CDC5L: variants seen among roughly 807,000 people sequenced by gnomAD.
CDC5L encodes cell division cycle 5 like.
A neutral mutation model predicts 104.1 loss-of-function variants in CDC5L; 18 were observed. The observed-to-expected ratio is 0.17, with a 90% CI of 0.12 to 0.26. The LOEUF (loss-of-function observed/expected upper bound fraction) is 0.26, where lower values mean the gene tolerates loss of function less well. CDC5L is among the 10% of genes least tolerant of loss of function. The pLI is 1.00. For missense variants in CDC5L, 673 were observed against 956.9 expected (o/e 0.70, Z 3.91); for synonymous variants, 331 against 322.7 (o/e 1.03, Z -0.28).
At chr6:44,446,014 A>G (rs977708318) in intron 15 of CDC5L, 147 bp downstream of exon 15, 4 of 657,746 alleles carry the variant, frequency 6.1e-6, no homozygotes, top group African/African-American at 1.8e-5. Flanking sequence ...TTGACTTTCT[A>G]ATCTAGAATT....
chr6:44,398,059 A>G (rs903953191), intron 5 of CDC5L, among the ~76,000 whole-genome samples: 4 of 152,176 alleles, frequency 2.6e-5, no homozygotes, highest in African/African-American at 9.7e-5. Context: ...GTTGTAATTA[A>G]TGGCTTTGAA....
At chr6:44,426,217 A>G in intron 12 of CDC5L, 34 bp downstream of exon 12, 1 of 1,472,590 alleles carries the variant, frequency 6.8e-7, no homozygotes, top group Non-Finnish European at 9.4e-7. Flanking sequence ...AGGAAGTTTT[A>G]AGTTTCTTTT....
chr6:44,410,834 C>G (rs560308524), intron 8 of CDC5L, among the ~76,000 whole-genome samples: 1 of 151,970 alleles, frequency 6.6e-6, no homozygotes, highest in Admixed American at 6.6e-5. Context: ...GTTTTTCTCC[C>G]TTTCATTGAT....
chr6:44,429,015 CTTTT>C (rs922435895), intron 13 of CDC5L, among the ~76,000 whole-genome samples: 34 of 95,602 alleles, frequency 3.6e-4, no homozygotes, highest in Non-Finnish European at 4.8e-4. Context: ...GTTTCATTAG[CTTTT>C]TTTTTTTTTT....
At chr6:44,421,567 C>G (rs1006707211) in intron 9 of CDC5L, among the ~76,000 whole-genome samples, 2 of 152,184 alleles carry the variant, frequency 1.3e-5, no homozygotes, top group African/African-American at 2.4e-5. Flanking sequence ...TCCCTCATTT[C>G]CTATGTTTAG....
chr6:44,420,792 C>T (rs1792134865), intron 9 of CDC5L, among the ~76,000 whole-genome samples: 1 of 152,134 alleles, frequency 6.6e-6, no homozygotes, highest in South Asian at 2.1e-4. Context: ...TGAAAAAATC[C>T]CATATCTAAA....
chr6:44,445,863 T>G lies in CDC5L; in HGVS notation c.2300T>G (p.Leu767Arg). The change falls in exon 15 of 16, where the codon CTA becomes CGA. Residue 767 changes from leucine to arginine, a missense_variant. By Grantham distance (102) the Leu-to-Arg change is moderately radical (BLOSUM62 -2). This residue lies in a region of CDC5L where 578 missense variants were observed against 737.0 expected (regional missense o/e 0.78). Transcript: ENST00000371477. ...GAAGATTCTGCTATTCCCCGGAGGC[T>G]AGAGGTAACGTTATATATTGAACTG... Reference protein sequence around the residue: ...KHEDSAIPRRLECLKEDVQRQ... With the variant: ...KHEDSAIPRRRECLKEDVQRQ... 1 of 1,610,942 alleles carries G rather than the reference T, an allele frequency of 6.2e-7. No homozygotes were observed. The highest frequency in any genetic ancestry group is 8.5e-7 in the Non-Finnish European group (1 of 1,177,240).
intron 13 of CDC5L, 51 bp downstream of exon 13, chr6:44,426,775 G>C: frequency 6.4e-7 from 1 of 1,572,470 alleles, no homozygotes; most frequent in Non-Finnish European, 8.7e-7. Flanking sequence ...GTTGTTAGGT[G>C]CTGTGTATCA....
At chr6:44,390,226 G>C (rs1262869508) in intron 1 of CDC5L, 42 bp from the exon 2 acceptor site, 2 of 1,280,434 alleles carry the variant, frequency 1.6e-6, no homozygotes, top group East Asian at 4.7e-5. Flanking sequence ...TTTCCCACTT[G>C]GAGTTTTGTG....
chr6:44,396,470 AGT>A, intron 5 of CDC5L, 30 bp downstream of exon 5: 2 of 1,410,304 alleles, frequency 1.4e-6, no homozygotes, highest in Non-Finnish European at 2.0e-6. Context: ...TAAAAAGCAA[AGT>A]GTTTTTCTCA....
chr6:44,387,898 C>T lies in CDC5L; in HGVS notation c.45+30C>T, dbSNP rs531775957. 38 of 1,552,884 alleles carry T rather than the reference C, an allele frequency of 2.4e-5. No individual in the cohort carries two copies. The African/African-American group carries it at 4.2e-4, about 17-fold the overall frequency. ...GTCTCCTTTTCCCGCCGTCCGCTGCCCGCCGCTCCCTCTAGCAGCTTGTGC... is the reference window on the plus strand; with the variant it reads ...GTCTCCTTTTCCCGCCGTCCGCTGCTCGCCGCTCCCTCTAGCAGCTTGTGC... On this transcript the variant is annotated intron_variant, in intron 1 of 15. Coordinates refer to ENST00000371477, the MANE Select transcript of CDC5L (RefSeq NM_001253.4).
At chr6:44,420,459 A>G (rs1792115666) in intron 9 of CDC5L, among the ~76,000 whole-genome samples, 1 of 151,958 alleles carries the variant, frequency 6.6e-6, no homozygotes, top group African/African-American at 2.4e-5. Context: ...CCTAGGTTCA[A>G]GCAATTCTTC....
chr6:44,390,424 T>A, intron 2 of CDC5L, 53 bp downstream of exon 2: 1 of 1,116,230 alleles, frequency 9.0e-7, no homozygotes. Flanking sequence ...ATTATGATGA[T>A]GGAAAATGTC....
chr6:44,428,297 A>G (rs191813260), intron 13 of CDC5L, among the ~76,000 whole-genome samples: 37 of 151,776 alleles, frequency 2.4e-4, no homozygotes, highest in Admixed American at 1.5e-3. Flanking sequence ...TATAGAGATG[A>G]TTTTCCGTTT....
At position 44,408,529 on chromosome 6, in the gene CDC5L, C is replaced by A. The variant is rs1326718530; in HGVS notation, c.989C>A (p.Thr330Lys). ...ARQTAEESGI[T>K]NSASSTLLSE... ...CAAACTGCCGAGGAATCTGGCATAA[C>A]AAATTCTGCTTCCAGTACACTTTTG... The change falls in exon 8 of 16, where the codon ACA becomes AAA. Residue 330 changes from threonine (T) to lysine (K), a missense_variant. Physicochemically the swap from Thr to Lys is moderately conservative, Grantham distance 78. Coordinates refer to ENST00000371477, the MANE Select transcript of CDC5L (RefSeq NM_001253.4). The A allele has an allele frequency of 6.2e-7, 1 of 1,613,948 alleles. No individual in the cohort carries two copies. Among genetic ancestry groups the A allele is most frequent in the Non-Finnish European group, 8.5e-7 (1 of 1,179,838 alleles).
At chr6:44,413,665 C>A (rs747057090) in intron 8 of CDC5L, among the ~76,000 whole-genome samples, 1 of 151,822 alleles carries the variant, frequency 6.6e-6, no homozygotes, top group Non-Finnish European at 1.5e-5. Flanking sequence ...CTCACCGAAG[C>A]CTTGACCTCT....
chr6:44,422,425 T>C (rs1309623494), intron 9 of CDC5L, among the ~76,000 whole-genome samples: 1 of 152,176 alleles, frequency 6.6e-6, no homozygotes, highest in Admixed American at 6.5e-5. Context: ...AAATATCAAA[T>C]GTAGTGATTA....
In CDC5L at chr6:44,449,929, A is replaced by T. The variant is rs958338538; in HGVS notation, c.*3218A>T. ...ACCCAGGCTGGAGTGCAGTAGTGCA[A>T]TCTTGGCCCACTGCAACCTCTGCCT... On this transcript the variant is annotated 3_prime_UTR_variant, in exon 16 of 16. Coordinates refer to ENST00000371477, the MANE Select transcript of CDC5L (RefSeq NM_001253.4). The T allele has an allele frequency of 6.6e-5, 10 of 150,592 alleles. No individual in the cohort carries two copies. Among genetic ancestry groups the T allele is most frequent in the Non-Finnish European group, 1.5e-4 (10 of 67,910 alleles). The allele number at this position is 150,592 out of a possible 1,614,324, so 9.3% of individuals were successfully genotyped here.
At chr6:44,422,346 C>T (rs1792224055) in intron 9 of CDC5L, among the ~76,000 whole-genome samples, 1 of 152,156 alleles carries the variant, frequency 6.6e-6, no homozygotes, top group Admixed American at 6.5e-5. Context: ...ACTGCATGTT[C>T]TTAGTCGCCC....
Sources: gnomAD v4.1 joint callset for allele counts (sites outside exome capture counted in the v4.1 genomes callset) on GRCh38, gnomAD v4.1.1 for gene constraint, gnomAD v4.1.1 regional missense constraint, MANE v1.5 for transcripts, NCBI Gene and HGNC (gene_info 2026-07-23, HGNC 2026-07-21) for gene names.